Variants in TUBGCP6 observed in about 807,000 individuals in gnomAD.
TUBGCP6 encodes tubulin gamma complex component 6, also known as gamma-tubulin complex component 6.
TUBGCP6 carries 161 observed loss-of-function variants against 175.8 expected under a neutral mutation model. The ratio of observed to expected loss-of-function variants is 0.92; its 90% CI spans 0.81 to 1.04. TUBGCP6 has a LOEUF of 1.04. Ranked by LOEUF, TUBGCP6 falls within the 50% of genes least tolerant of loss-of-function variation. TUBGCP6 has a pLI of 0.00. For synonymous variants in TUBGCP6, 1,173 were observed against 1,030.5 expected (o/e 1.14, Z -2.65); for missense variants, 2,572 against 2,433.0 (o/e 1.06, Z -1.20).
At position 50,219,164 on chromosome 22, in the gene TUBGCP6, C is replaced by T; in HGVS notation, c.4530G>A (p.Glu1510=). ...CCTCATAGTGCGCCTCCAGGTGCAG[C>T]TCCACGAAGAAGTAGTCGACAGCGG... ...NKAAVDYFFV[E]LHLEAHYEAL... The change falls in exon 20 of 25, where the codon GAG becomes GAA. Residue 1510 remains glutamate, a synonymous_variant. Coordinates refer to ENST00000248846, the MANE Select transcript of TUBGCP6 (RefSeq NM_020461.4). 2 of 1,612,588 alleles carry T rather than the reference C, an allele frequency of 1.2e-6. No homozygotes were observed. Among genetic ancestry groups the T allele is most frequent in the Non-Finnish European group, 1.7e-6 (2 of 1,179,998 alleles).
At chr22:50,227,129 C>G (rs2064624256) in intron 5 of TUBGCP6, 52 bp from the exon 6 acceptor site, 1 of 1,524,250 alleles carries the variant, frequency 6.6e-7, no homozygotes, top group Non-Finnish European at 8.9e-7. Context: ...GGTTCCCAGG[C>G]CTGGATCAGA....
In TUBGCP6 at chr22:50,221,751, T is replaced by TTA. The variant is rs2064527318; in HGVS notation, c.2607_2608insTA (p.Lys870Ter). The stretch of plus-strand genomic sequence containing the variant: ...CCACCAGCCCCCACTGCTAGAGGCT[T>TTA]AAGGGGCTGTGGGGTCAGCAGGCCT... On this transcript the variant is annotated frameshift_variant, in exon 16 of 25. Transcript: ENST00000248846. LOFTEE classifies it high-confidence loss of function. 1.3e-6 allele frequency: 2 copies of TTA among 1,516,228 alleles called. No homozygotes were observed. Among genetic ancestry groups the TTA allele is most frequent in the Non-Finnish European group, 1.8e-6 (2 of 1,133,312 alleles). The allele number at this position is 1,516,228 out of a possible 1,614,324, so 93.9% of individuals were successfully genotyped here.
Position 50,243,890 on chromosome 22 carries a change from C to G in TUBGCP6, c.570G>C (p.Leu190=). Residue 190 remains leucine (L), a synonymous_variant, in exon 1 of 25, where the codon CTG becomes CTC. Transcript: ENST00000248846. ...QVMEAAPGTG[L]PTVGLFSFGD... The stretch of plus-strand genomic sequence containing the variant: ...CAAATGAGAAGAGCCCGACGGTGGG[C>G]AGGCCAGTGCCTGGAGCAGCCTCCA... 6.2e-7 allele frequency: 1 copy of G among 1,613,958 alleles called. No individual in the cohort carries two copies. The highest frequency in any genetic ancestry group is 1.7e-5 in the Admixed American group (1 of 60,024).
chr22:50,223,439 G>C (rs1569113940), intron 13 of TUBGCP6: 1 of 152,874 alleles, frequency 6.5e-6, no homozygotes, highest in African/African-American at 2.4e-5. Flanking sequence ...CACAGGACAG[G>C]TTGATAACAG....
intron 10 of TUBGCP6, 74 bp from the exon 11 acceptor site, chr22:50,224,666 G>A (rs911962742): frequency 1.4e-6 from 2 of 1,480,328 alleles, no homozygotes; most frequent in Non-Finnish European, 9.3e-7. Context: ...TGGCACTTTG[G>A]GAGGCCGAGG....
chr22:50,241,316 T>C (rs1211533067), intron 1 of TUBGCP6, among the ~76,000 whole-genome samples: 2 of 152,130 alleles, frequency 1.3e-5, no homozygotes, highest in Admixed American at 6.5e-5. Flanking sequence ...TGGCAGCACC[T>C]GGGAAGACGC....
At position 50,221,268 on chromosome 22, in the gene TUBGCP6, C is replaced by T. The variant is rs762265703; in HGVS notation, c.3091G>A (p.Gly1031Arg). 6 of 1,613,896 alleles carry T rather than the reference C, an allele frequency of 3.7e-6. No homozygotes were observed. The highest frequency in any genetic ancestry group is 8.5e-7 in the Non-Finnish European group (1 of 1,179,908). Residue 1031 changes from glycine to arginine, a missense_variant, in exon 16 of 25, where the codon GGG (glycine) becomes AGG (arginine). Transcript: ENST00000248846. ...PTERLFGQVS[G>R]GGLPTGDYAS... ...TAGTCCCCTGTGGGAAGACCACCCC[C>T]TGACACCTGCCCAAAGAGCCGCTCT...
chr22:50,219,353 C>G lies in TUBGCP6; in HGVS notation c.4419G>C (p.Gln1473His). 2 of 1,592,340 alleles carry G rather than the reference C, an allele frequency of 1.3e-6. No homozygotes were observed. The highest frequency in any genetic ancestry group is 1.7e-6 in the Non-Finnish European group (2 of 1,170,808). Reference sequence around the variant, plus strand: ...CGGGCAGCGTCAGCAACTCGCTCAGCTGCACAGCAGTCTCATCAGCGGCAG... The same window carrying G: ...CGGGCAGCGTCAGCAACTCGCTCAGGTGCACAGCAGTCTCATCAGCGGCAG... ...VQSAADETAV[Q>H]LSELLTLPVL... is the part of the protein sequence containing the mutation. The change falls in exon 19 of 25, where the codon CAG becomes CAC. Residue 1473 changes from glutamine (Q) to histidine (H), a missense_variant. Gln to His is a conservative substitution (Grantham distance 24). Coordinates refer to ENST00000248846, the MANE Select transcript of TUBGCP6 (RefSeq NM_020461.4).
intron 22 of TUBGCP6, 35 bp from the exon 23 acceptor site, chr22:50,218,437 G>A: frequency 6.2e-7 from 1 of 1,612,860 alleles, no homozygotes; most frequent in Non-Finnish European, 8.5e-7. Flanking sequence ...GCAGAGGTGA[G>A]CGCAGCCTCC....
rs375927726 is a variant in TUBGCP6 at position 50,219,788 on chromosome 22, C to G, written c.4171G>C (p.Asp1391His). Residue 1391 changes from aspartate (D) to histidine (H), a missense_variant, in exon 18 of 25, where the codon GAC (aspartate) becomes CAC (histidine). By Grantham distance (81) the Asp-to-His change is moderately conservative. Coordinates refer to ENST00000248846, the MANE Select transcript of TUBGCP6 (RefSeq NM_020461.4). ...SPNWPLNSQE[D>H]TAAQSSPGRG... ...CCTGGGCTGCTCTGGGCAGCTGTGTCTTCCTAACAAAACACCAGCCTCAGA... is the reference window on the plus strand; with the variant it reads ...CCTGGGCTGCTCTGGGCAGCTGTGTGTTCCTAACAAAACACCAGCCTCAGA... 224 of 1,612,610 alleles carry G rather than the reference C, an allele frequency of 1.4e-4. No individual in the cohort carries two copies. Among genetic ancestry groups the G allele is most frequent in the Non-Finnish European group, 1.8e-4 (208 of 1,179,180 alleles).
rs118110114 is a variant in TUBGCP6, at chr22:50,234,022, C to A, written c.906-496G>T. 8.8e-3 allele frequency among the ~76,000 whole-genome samples: 1,340 copies of A among 151,424 alleles called. 5 individuals are homozygous for A. The highest frequency in any genetic ancestry group is 0.014 in the Non-Finnish European group (922 of 67,794). On this transcript the variant is annotated intron_variant, in intron 2 of 24. Transcript: ENST00000248846. ...GCATCATCCACACCCCTGTCCACAG[C>A]AGCATCCACATCCAGGTCCACTGCA...
At position 50,219,156 on chromosome 22, in the gene TUBGCP6, A is replaced by T. The variant is rs2064470320; in HGVS notation, c.4538T>A (p.Leu1513Gln). 2 of 1,612,688 alleles carry T rather than the reference A, an allele frequency of 1.2e-6. No homozygotes were observed. Among genetic ancestry groups the T allele is most frequent in the Non-Finnish European group, 1.7e-6 (2 of 1,179,994 alleles). The change falls in exon 20 of 25, where the codon CTG becomes CAG. Residue 1513 changes from leucine to glutamine, a missense_variant. Physicochemically the swap from Leu to Gln is moderately radical, Grantham distance 113. Coordinates refer to ENST00000248846, the MANE Select transcript of TUBGCP6 (RefSeq NM_020461.4). ...AVDYFFVELH[L>Q]EAHYEALRHF... ...CCGCAGTGCCTCATAGTGCGCCTCC[A>T]GGTGCAGCTCCACGAAGAAGTAGTC... is the stretch of plus-strand genomic sequence containing the variant.
intron 5 of TUBGCP6, 76 bp from the exon 6 acceptor site, chr22:50,227,153 C>G: frequency 2.2e-6 from 3 of 1,338,724 alleles, no homozygotes; most frequent in Non-Finnish European, 3.1e-6. Flanking sequence ...TGAGCAAAGT[C>G]TCCACGTATC....
At position 50,221,194 on chromosome 22, in the gene TUBGCP6, G is replaced by T. The variant is rs147329335; in HGVS notation, c.3165C>A (p.His1055Gln). Reference sequence around the variant, plus strand: ...CGACCCTGATGCTGGCGTCAGACACGTGCCCGTGGGTGTTCCACCGTGGCC... The same window carrying T: ...CGACCCTGATGCTGGCGTCAGACACTTGCCCGTGGGTGTTCCACCGTGGCC... ...PTRPRWNTHGHVSDASIRVGE... is the reference protein window; with the variant it reads ...PTRPRWNTHGQVSDASIRVGE... Residue 1055 changes from histidine (H) to glutamine (Q), a missense_variant, in exon 16 of 25, where the codon CAC becomes CAA. Coordinates refer to ENST00000248846, the MANE Select transcript of TUBGCP6 (RefSeq NM_020461.4). The T allele has an allele frequency of 6.2e-7, 1 of 1,607,654 alleles. No homozygotes were observed. Among genetic ancestry groups the T allele is most frequent in the Non-Finnish European group, 8.5e-7 (1 of 1,174,946 alleles).
chr22:50,217,872 C>T, intron 24 of TUBGCP6, 45 bp from the exon 25 acceptor site: 1 of 1,606,622 alleles, frequency 6.2e-7, no homozygotes, highest in Non-Finnish European at 8.5e-7. Flanking sequence ...CAGTGTGAGC[C>T]CCGCCCTGGC....
Position 50,226,375 on chromosome 22 carries a change from G to C in TUBGCP6, c.1605C>G (p.Phe535Leu). The C allele has an allele frequency of 6.2e-7, 1 of 1,605,296 alleles. No homozygotes were observed. Among genetic ancestry groups the C allele is most frequent in the South Asian group, 1.1e-5 (1 of 90,144 alleles). The change falls in exon 8 of 25, where the codon TTC (phenylalanine) becomes TTG (leucine). Residue 535 changes from phenylalanine to leucine, a missense_variant. Phe to Leu is a conservative substitution (Grantham distance 22). Transcript: ENST00000248846. Reference protein sequence around the residue: ...LKTSCEPYTRFIHDWVYSGVF... With the variant: ...LKTSCEPYTRLIHDWVYSGVF... ...CCCCGCTGTACACCCAGTCGTGGATGAACCTGCAGTGGGGGAAAAGCAGGG... is the reference window on the plus strand; with the variant it reads ...CCCCGCTGTACACCCAGTCGTGGATCAACCTGCAGTGGGGGAAAAGCAGGG...
chr22:50,219,870 T>C, intron 17 of TUBGCP6, 79 bp from the exon 18 acceptor site: 1 of 1,602,970 alleles, frequency 6.2e-7, no homozygotes, highest in Non-Finnish European at 8.5e-7. Flanking sequence ...AAAAGGAAAA[T>C]CGCATGTGGG....
intron 2 of TUBGCP6, among the ~76,000 whole-genome samples, chr22:50,239,307 G>A (rs962721154): frequency 3.3e-5 from 5 of 152,248 alleles, no homozygotes. Flanking sequence ...CTCCTGAGTA[G>A]CTGGGATTAT....
intron 15 of TUBGCP6, 35 bp downstream of exon 15, chr22:50,221,993 C>A: frequency 6.2e-7 from 1 of 1,612,664 alleles, no homozygotes. Flanking sequence ...TATGGGAAAA[C>A]CATAGGGCAC....
Sources: gnomAD v4.1 joint callset for allele counts (sites outside exome capture counted in the v4.1 genomes callset) on GRCh38, gnomAD v4.1.1 for gene constraint, MANE v1.5 for transcripts, NCBI Gene and HGNC (gene_info 2026-07-23, HGNC 2026-07-21) for gene names.